DOCK2: variants seen among roughly 807,000 people sequenced by gnomAD.
DOCK2 encodes dedicator of cytokinesis protein 2.
DOCK2 carries 87 observed loss-of-function variants against 248.9 expected under a neutral mutation model. That is an observed-to-expected ratio of 0.35 (90% CI 0.29 to 0.42). DOCK2 has a LOEUF of 0.42. DOCK2 is among the 10% of genes least tolerant of loss of function. DOCK2 has a pLI of 1.00. For missense variants in DOCK2, 1,747 were observed against 2,300.2 expected (o/e 0.76, Z 4.92); for synonymous variants, 805 against 821.6 (o/e 0.98, Z 0.35).
chr5:169,798,405 C>T (rs1357226368), intron 25 of DOCK2, among the ~76,000 whole-genome samples: 1 of 152,134 alleles, frequency 6.6e-6, no homozygotes, highest in Non-Finnish European at 1.5e-5. Flanking sequence ...TAGCTTAGTT[C>T]AATTTTAAGT....
At chr5:169,730,847 T>A (rs1400100156) in intron 22 of DOCK2, among the ~76,000 whole-genome samples, 1 of 151,898 alleles carries the variant, frequency 6.6e-6, no homozygotes, top group Non-Finnish European at 1.5e-5. Context: ...GTTTATTTTT[T>A]AATTTTAGGT....
intron 27 of DOCK2, among the ~76,000 whole-genome samples, chr5:169,881,707 G>A (rs1031221338): frequency 6.6e-6 from 1 of 152,182 alleles, no homozygotes; most frequent in Non-Finnish European, 1.5e-5. Context: ...TTCTGCAGGT[G>A]AGTGGAAGGG....
At chr5:169,778,861 G>T (rs149714771) in intron 25 of DOCK2, among the ~76,000 whole-genome samples, 3 of 152,262 alleles carry the variant, frequency 2.0e-5, no homozygotes, top group African/African-American at 7.2e-5. Flanking sequence ...TCAGTCTACT[G>T]ATCTACCAAT....
chr5:169,835,666 A>G (rs1769529095), intron 26 of DOCK2, among the ~76,000 whole-genome samples: 1 of 152,242 alleles, frequency 6.6e-6, no homozygotes, highest in African/African-American at 2.4e-5. Context: ...ATAAATGCCA[A>G]AATAACAATT....
intron 25 of DOCK2, among the ~76,000 whole-genome samples, chr5:169,801,111 T>A (rs1380356247): frequency 3.4e-5 from 5 of 147,204 alleles, no homozygotes; most frequent in African/African-American, 7.4e-5. Flanking sequence ...TCGCTGGGAT[T>A]ACAGGTGCCT....
At chr5:169,740,242 T>C (rs968780193) in intron 22 of DOCK2, among the ~76,000 whole-genome samples, 1 of 152,240 alleles carries the variant, frequency 6.6e-6, no homozygotes, top group Non-Finnish European at 1.5e-5. Flanking sequence ...GTAAAGTGAA[T>C]GTTTCAGATG....
At chr5:170,040,507 T>A in intron 36 of DOCK2, 1 of 156,930 alleles carries the variant, frequency 6.4e-6, no homozygotes, top group Non-Finnish European at 1.4e-5. Flanking sequence ...AAAAATGCAC[T>A]TACTTACACC....
chr5:169,873,828 G>T (rs142578655), intron 27 of DOCK2, among the ~76,000 whole-genome samples: 1 of 152,144 alleles, frequency 6.6e-6, no homozygotes, highest in African/African-American at 2.4e-5. Flanking sequence ...ACCTCCAACC[G>T]TGTGACCTCA....
At chr5:170,036,664 A>T (rs1258597423) in intron 36 of DOCK2, 109 bp downstream of exon 36, 1 of 1,012,792 alleles carries the variant, frequency 9.9e-7, no homozygotes, top group Non-Finnish European at 1.4e-6. Flanking sequence ...TCTCTTCTTG[A>T]CATTCAGGCC....
At chr5:169,849,532 T>G (rs754959171) in intron 27 of DOCK2, among the ~76,000 whole-genome samples, 5 of 152,272 alleles carry the variant, frequency 3.3e-5, no homozygotes, top group Non-Finnish European at 7.3e-5. Context: ...ATCACCTATG[T>G]GGCAACTTTC....
At chr5:169,720,143 C>A (rs1460913293) in intron 22 of DOCK2, among the ~76,000 whole-genome samples, 1 of 152,166 alleles carries the variant, frequency 6.6e-6, no homozygotes, top group Non-Finnish European at 1.5e-5. Context: ...GTTTCAGATT[C>A]CTCTGGCTTG....
chr5:169,788,477 T>G (rs1374674413), intron 25 of DOCK2, among the ~76,000 whole-genome samples: 1 of 152,220 alleles, frequency 6.6e-6, no homozygotes, highest in Non-Finnish European at 1.5e-5. Flanking sequence ...CTAAACTCAG[T>G]GTAGAACATT....
Position 169,763,818 on chromosome 5 carries a change from A to G in DOCK2, c.2554+2193A>G, listed in dbSNP as rs548131813. Among the ~76,000 whole-genome samples, 2 of 152,238 alleles carry G rather than the reference A, an allele frequency of 1.3e-5. No individual in the cohort carries two copies. The highest frequency in any genetic ancestry group is 2.4e-5 in the African/African-American group (1 of 41,476). ...AAAGTATCCTTTGGGGACCCCTTTC[A>G]AAGAGGAGGCAAAGTGTAATTAGTG... On this transcript the variant is annotated intron_variant, in intron 25 of 51. Coordinates refer to ENST00000520908, the MANE Select transcript of DOCK2 (RefSeq NM_004946.3). The surrounding 1 kb of genome is among the most constrained non-coding windows in gnomAD (Gnocchi z 4.1).
chr5:169,864,440 G>C (rs947641024), intron 27 of DOCK2: 1 of 1,544,976 alleles, frequency 6.5e-7, no homozygotes, highest in Non-Finnish European at 8.7e-7. Flanking sequence ...CCTTCCTGCT[G>C]CCGAAAATCA....
At chr5:169,641,352 G>A (rs1369454625) in intron 1 of DOCK2, among the ~76,000 whole-genome samples, 1 of 152,198 alleles carries the variant, frequency 6.6e-6, no homozygotes, top group Non-Finnish European at 1.5e-5. Context: ...TGGGGAATAT[G>A]GAGGAATCCA....
intron 25 of DOCK2, among the ~76,000 whole-genome samples, chr5:169,767,333 T>C (rs1561677085): frequency 6.6e-6 from 1 of 152,238 alleles, no homozygotes; most frequent in Non-Finnish European, 1.5e-5. Flanking sequence ...CCCTATTCTG[T>C]AGGTCGTCCA....
At chr5:169,740,966 G>A (rs935198706) in intron 22 of DOCK2, among the ~76,000 whole-genome samples, 1 of 152,064 alleles carries the variant, frequency 6.6e-6, no homozygotes, top group South Asian at 2.1e-4. Context: ...CTCCCAAATA[G>A]CTTTAACCAC....
chr5:169,996,595 C>G (rs2113798466), intron 30 of DOCK2, among the ~76,000 whole-genome samples: 1 of 152,292 alleles, frequency 6.6e-6, no homozygotes, highest in South Asian at 2.1e-4. Context: ...TTTTAGTGCT[C>G]AGCCAATAAC....
intron 32 of DOCK2, among the ~76,000 whole-genome samples, chr5:170,015,395 T>A (rs570984834): frequency 2.0e-5 from 3 of 152,082 alleles, no homozygotes; most frequent in Non-Finnish European, 4.4e-5. Flanking sequence ...ACTCGAAGAC[T>A]CTACGGGGCC....
Sources: allele counts gnomAD v4.1 joint callset (sites outside exome capture counted in the v4.1 genomes callset), GRCh38; gene constraint gnomAD v4.1.1; non-coding constraint Gnocchi (gnomAD v3.1); transcripts MANE v1.5; gene names NCBI Gene and HGNC (gene_info 2026-07-23, HGNC 2026-07-21).